Variants in CELF1 observed in about 807,000 individuals in gnomAD.
CELF1 encodes the protein CUGBP Elav-like family member 1, also known as 50 kDa nuclear polyadenylated RNA-binding protein.
Under a neutral mutation model 61.8 loss-of-function variants are expected in CELF1, and 10 were observed. The ratio of observed to expected loss-of-function variants is 0.16; its 90% CI spans 0.10 to 0.27. The LOEUF is 0.27. Among genes scored for constraint, CELF1 ranks in the 10% least tolerant of loss-of-function variants. The pLI, the probability that CELF1 is intolerant of heterozygous loss-of-function variation, is 1.00. For synonymous variants in CELF1, 236 were observed against 225.1 expected (o/e 1.05, Z -0.43); for missense variants, 380 against 639.1 (o/e 0.59, Z 4.37).
At position 47,499,551 on chromosome 11, in the gene CELF1, T is replaced by C. The variant is rs763960801; in HGVS notation, c.-28A>G. On this transcript the variant is annotated 5_prime_UTR_variant, in exon 3 of 15. Transcript: ENST00000687097. ...CCTCACTCTCCCCTTCAGAAGCCAA[T>C]GATATTAACTTGCTGCACTTGTCTG... is the stretch of plus-strand genomic sequence containing the variant. The C allele has an allele frequency of 4.0e-6, 6 of 1,511,642 alleles. No homozygotes were observed. Among genetic ancestry groups the C allele is most frequent in the African/African-American group, 2.8e-5 (2 of 72,552 alleles). 93.6% of individuals were successfully genotyped at this position (1,511,642 alleles called of 1,614,324 possible).
rs925405645 is a variant in CELF1, at chr11:47,469,758, G to A, written c.*2472C>T. On this transcript the variant is annotated 3_prime_UTR_variant, in exon 15 of 15. Transcript: ENST00000687097. ...TTTAGAAAAGAAAACCCATCAGCAG[G>A]TATGAAGCCCTCAGGGTCTGGTATC... 1 of 152,300 alleles carries A rather than the reference G, an allele frequency of 6.6e-6. No homozygotes were observed. The highest frequency in any genetic ancestry group is 2.4e-5 in the African/African-American group (1 of 41,454). The allele number at this position is 152,300 out of a possible 1,614,324, so 9.4% of individuals were successfully genotyped here.
At chr11:47,541,858 G>A (rs925964934) in intron 1 of CELF1, among the ~76,000 whole-genome samples, 6 of 151,430 alleles carry the variant, frequency 4.0e-5, no homozygotes, top group African/African-American at 1.2e-4. Context: ...CTGACCCTTC[G>A]AAATTAAAAG....
chr11:47,537,524 G>A (rs568765097), intron 1 of CELF1, among the ~76,000 whole-genome samples: 1 of 152,182 alleles, frequency 6.6e-6, no homozygotes, highest in East Asian at 1.9e-4. Flanking sequence ...TGGGATTACA[G>A]GCGTGAGCCA....
intron 1 of CELF1, among the ~76,000 whole-genome samples, chr11:47,527,493 G>C (rs140207119): frequency 6.6e-5 from 10 of 152,234 alleles, no homozygotes; most frequent in Admixed American, 2.6e-4. Context: ...GAGAGGTCAA[G>C]GGAGAGGATC....
intron 2 of CELF1, among the ~76,000 whole-genome samples, chr11:47,558,177 C>T (rs1008472891): frequency 2.0e-5 from 3 of 151,856 alleles, no homozygotes; most frequent in Non-Finnish European, 4.4e-5. Context: ...CTCTTAAGGC[C>T]TGGTTACATT....
intron 11 of CELF1, 144 bp from the exon 12 acceptor site, chr11:47,477,103 A>G (rs933550690): frequency 1.4e-5 from 12 of 871,882 alleles, no homozygotes; most frequent in Non-Finnish European, 2.0e-5. Context: ...GACAGAGACA[A>G]ATAATGGCCA....
chr11:47,517,196 T>C (rs1404451035), intron 1 of CELF1, among the ~76,000 whole-genome samples: 1 of 146,022 alleles, frequency 6.8e-6, no homozygotes, highest in Non-Finnish European at 1.5e-5. Flanking sequence ...CAGTGAACTG[T>C]GATCATGCCA....
rs2077325631 is a variant in CELF1, at chr11:47,469,948, C to T, written c.*2282G>A. The T allele has an allele frequency of 6.6e-6, 1 of 152,260 alleles. No individual in the cohort carries two copies. Among genetic ancestry groups the T allele is most frequent in the Non-Finnish European group, 1.5e-5 (1 of 68,126 alleles). 9.4% of individuals were successfully genotyped at this position (152,260 alleles called of 1,614,324 possible). On this transcript the variant is annotated 3_prime_UTR_variant, in exon 15 of 15. Coordinates refer to ENST00000687097, the MANE Select transcript of CELF1 (RefSeq NM_001376376.1). ...GTGGCGTTCTGGCTAAGGAGGAAGA[C>T]AGAACAGAAGGCTAGGGAGCACAGC...
intron 1 of CELF1, among the ~76,000 whole-genome samples, chr11:47,549,173 T>C (rs2097067207): frequency 2.0e-5 from 3 of 152,154 alleles, no homozygotes. Flanking sequence ...TGTAAAATGG[T>C]GCAACTGCTA....
intron 13 of CELF1, among the ~76,000 whole-genome samples, chr11:47,475,071 A>G (rs567633853): frequency 6.6e-6 from 1 of 152,340 alleles, no homozygotes; most frequent in African/African-American, 2.4e-5. Flanking sequence ...GTCAGACCCG[A>G]TAAGGTCAGT....
At chr11:47,493,247 A>C (rs778881029) in intron 3 of CELF1, among the ~76,000 whole-genome samples, 5 of 151,760 alleles carry the variant, frequency 3.3e-5, no homozygotes, top group Non-Finnish European at 7.4e-5. Context: ...AGCACTGTTC[A>C]AACTGTGGCC....
At chr11:47,522,741 G>C (rs946586679) in intron 1 of CELF1, among the ~76,000 whole-genome samples, 1 of 150,812 alleles carries the variant, frequency 6.6e-6, no homozygotes, top group Non-Finnish European at 1.5e-5. Context: ...CAGGAGAATT[G>C]CTTGAACCTG....
At chr11:47,552,962 G>T in intron 1 of CELF1, 30 bp downstream of exon 1, 1 of 397,176 alleles carries the variant, frequency 2.5e-6, no homozygotes, top group Non-Finnish European at 4.4e-6. Context: ...TCCCTCCCGC[G>T]GCCCGTTATC....
intron 1 of CELF1, among the ~76,000 whole-genome samples, chr11:47,508,721 T>C (rs562145282): frequency 2.5e-4 from 38 of 151,680 alleles, no homozygotes; most frequent in African/African-American, 8.2e-4. Context: ...ACTGTAATCT[T>C]CCACACAGGA....
intron 1 of CELF1, among the ~76,000 whole-genome samples, chr11:47,517,656 A>G (rs11819955): frequency 0.21 from 30,925 of 148,622 alleles, 3,606 homozygotes; most frequent in East Asian, 0.3. Context: ...TTCTACAGAA[A>G]TTTTTTTTTT....
At chr11:47,481,800 C>G (rs2083412909) in intron 9 of CELF1, among the ~76,000 whole-genome samples, 1 of 152,172 alleles carries the variant, frequency 6.6e-6, no homozygotes, top group African/African-American at 2.4e-5. Flanking sequence ...GACTAGACAA[C>G]CTTCTTTTGG....
Position 47,506,211 on chromosome 11 carries a change from G to A in CELF1, c.-153-5279C>T, listed in dbSNP as rs895587276. 2.0e-5 allele frequency among the ~76,000 whole-genome samples: 3 copies of A among 151,120 alleles called. 1 individual carries two copies. Among genetic ancestry groups the A allele is most frequent in the Non-Finnish European group, 4.4e-5 (3 of 67,574 alleles). Reference sequence around the variant, plus strand: ...GGAGGCCGAGGTGGGAGGATCACAAGGTCAAGAGATAGAGACCATCCTGGC... The same window carrying A: ...GGAGGCCGAGGTGGGAGGATCACAAAGTCAAGAGATAGAGACCATCCTGGC... On this transcript the variant is annotated intron_variant, in intron 1 of 14. Transcript: ENST00000687097.
In CELF1 at chr11:47,499,433, T is replaced by G; in HGVS notation, c.71+20A>C. 6.5e-7 allele frequency: 1 copy of G among 1,526,994 alleles called. No homozygotes were observed. The highest frequency in any genetic ancestry group is 8.8e-7 in the Non-Finnish European group (1 of 1,138,834). The allele number at this position is 1,526,994 out of a possible 1,614,324, so 94.6% of individuals were successfully genotyped here. ...CAGTTCCTCTGCTTATGATAAAAAT[T>G]AGACAACAAAAATACTTACACGGGA... On this transcript the variant is annotated intron_variant, in intron 3 of 14. Coordinates refer to ENST00000687097, the MANE Select transcript of CELF1 (RefSeq NM_001376376.1).
In CELF1 at chr11:47,470,482, C is replaced by G. The variant is rs1242051064; in HGVS notation, c.*1748G>C. On this transcript the variant is annotated 3_prime_UTR_variant, in exon 15 of 15. Transcript: ENST00000687097. Reference sequence around the variant, plus strand: ...ATGTTTCACGTTCCTTAGAGGACAACAGACCCAAGTTATCACTATGAGAAA... The same window carrying G: ...ATGTTTCACGTTCCTTAGAGGACAAGAGACCCAAGTTATCACTATGAGAAA... The G allele has an allele frequency of 3.9e-5, 6 of 152,216 alleles. No homozygotes were observed. The East Asian group carries it at 1.2e-3, about 29-fold the overall frequency. The allele number at this position is 152,216 out of a possible 1,614,324, so 9.4% of individuals were successfully genotyped here. A position where few individuals can be genotyped will look rare whatever the true frequency, so the allele number is the denominator to read the frequency against.
Sources: gnomAD v4.1 joint callset for allele counts (sites outside exome capture counted in the v4.1 genomes callset) on GRCh38, gnomAD v4.1.1 for gene constraint, MANE v1.5 for transcripts, NCBI Gene and HGNC (gene_info 2026-07-23, HGNC 2026-07-21) for gene names.